Variants in ABLIM1 observed in about 807,000 individuals in gnomAD.
ABLIM1 encodes actin binding LIM protein 1.
A neutral mutation model predicts 107.0 loss-of-function variants in ABLIM1; 40 were observed. The ratio of observed to expected loss-of-function variants is 0.37; its 90% CI spans 0.29 to 0.49. The LOEUF (loss-of-function observed/expected upper bound fraction) is 0.49. Ranked by LOEUF, ABLIM1 falls within the 20% of genes least tolerant of loss-of-function variation. The pLI is 0.97. For missense variants in ABLIM1, 857 were observed against 1,008.5 expected, an observed-to-expected ratio of 0.85 and a Z score of 2.04; for synonymous variants, 357 against 357.3, an observed-to-expected ratio of 1.00 and a Z score of 0.01.
chr10:114,540,934 A>G (rs2066577764), intron 6 of ABLIM1, among the ~76,000 whole-genome samples: 1 of 152,194 alleles, frequency 6.6e-6, no homozygotes, highest in South Asian at 2.1e-4. Flanking sequence ...TTGGGAGAAG[A>G]GTCTTTGCAG....
chr10:114,777,331 A>G, the ABLIM1 span, among the ~76,000 whole-genome samples: 2 of 151,960 alleles, frequency 1.3e-5, no homozygotes, highest in Admixed American at 6.5e-5. Context: ...ATGTTTTTCC[A>G]TATTTTTTCT....
At chr10:114,471,307 A>C (rs912065892) in intron 10 of ABLIM1, among the ~76,000 whole-genome samples, 2 of 152,196 alleles carry the variant, frequency 1.3e-5, no homozygotes, top group African/African-American at 4.8e-5. Flanking sequence ...CGTACACTGC[A>C]CACCATGAAC....
chr10:114,451,595 A>G (rs1290422353), intron 14 of ABLIM1, 29 bp downstream of exon 14: 2 of 1,600,406 alleles, frequency 1.2e-6, no homozygotes, highest in East Asian at 4.5e-5. Context: ...TTGCTATTTA[A>G]AAGCTACGCG....
intron 1 of ABLIM1, among the ~76,000 whole-genome samples, chr10:114,645,636 A>C (rs942846697): frequency 6.6e-6 from 1 of 152,152 alleles, no homozygotes; most frequent in East Asian, 1.9e-4. Flanking sequence ...GACAGAATAT[A>C]TTTTTTTCTC....
At chr10:114,469,051 C>CA (rs71473043) in intron 10 of ABLIM1, among the ~76,000 whole-genome samples, 1,428 of 74,992 alleles carry the variant, frequency 0.019, 41 homozygotes, top group African/African-American at 0.049. Flanking sequence ...GACTCTGTCT[C>CA]AAAAAAAAAA....
At chr10:114,684,967 T>C (rs907127653) in exon 1 of ABLIM1, 3 of 156,682 alleles carry the variant, frequency 1.9e-5, no homozygotes, top group African/African-American at 7.2e-5. Context: ...TTATTCATTA[T>C]GGCTTTGGAA....
rs1232427043 is a variant in ABLIM1 at position 114,601,920 on chromosome 10, C to G, written c.286G>C (p.Val96Leu). 2 of 1,614,162 alleles carry G rather than the reference C, an allele frequency of 1.2e-6. No homozygotes were observed. Among genetic ancestry groups the G allele is most frequent in the Non-Finnish European group, 8.5e-7 (1 of 1,180,030 alleles). Residue 96 changes from valine (V) to leucine (L), a missense_variant, in exon 2 of 23, where the codon GTC (valine) becomes CTC (leucine). Physicochemically the swap from Val to Leu is conservative, Grantham distance 32. Coordinates refer to ENST00000533213, the MANE Select transcript of ABLIM1 (RefSeq NM_002313.7). ...QDPHHPSEKP[V>L]IHCHKCGEPC... is the part of the protein sequence containing the mutation. ...TCCCCACATTTATGGCAGTGAATGA[C>G]AGGCTTCTCTGATGGGTGGTGAGGG...
rs1348032372 is a variant in ABLIM1 at position 114,468,324 on chromosome 10, G to A, written c.1276-108C>T. On this transcript the variant is annotated intron_variant, in intron 10 of 22. Transcript: ENST00000533213. ...GAGTCTCGCTCTGTCGCCCAGGCTGGAGTGCAGTGGCGCAATCTCGGTTTA... is the reference window on the plus strand; with the variant it reads ...GAGTCTCGCTCTGTCGCCCAGGCTGAAGTGCAGTGGCGCAATCTCGGTTTA... 4 of 1,049,762 alleles carry A rather than the reference G, an allele frequency of 3.8e-6. No individual in the cohort carries two copies. The Admixed American group carries it at 7.1e-5, about 19-fold the overall frequency. 65.0% of individuals were successfully genotyped at this position (1,049,762 alleles called of 1,614,324 possible).
chr10:114,476,157 A>G (rs1202108341), intron 8 of ABLIM1, among the ~76,000 whole-genome samples: 3 of 152,204 alleles, frequency 2.0e-5, no homozygotes, highest in African/African-American at 4.8e-5. Context: ...CTAGGGTGGA[A>G]GTGGCTGGGA....
At chr10:114,583,444 CACACACACACACACACACACACACAT>C (rs1794815289) in intron 2 of ABLIM1, among the ~76,000 whole-genome samples, 1 of 34,480 alleles carries the variant, frequency 2.9e-5, no homozygotes, top group Admixed American at 4.1e-4. Context: ...CACACACACA[CACACACACACACACACACACACACAT>C]ATATATATAT....
chr10:114,712,834 A>G (rs1372163511), intron 1 of ABLIM1, among the ~76,000 whole-genome samples: 1 of 152,208 alleles, frequency 6.6e-6, no homozygotes, highest in African/African-American at 2.4e-5. Flanking sequence ...ATTGATTACA[A>G]ATAAAACCGT....
At chr10:114,649,432 TAAA>T (rs1336322578) in intron 1 of ABLIM1, among the ~76,000 whole-genome samples, 1 of 150,762 alleles carries the variant, frequency 6.6e-6, no homozygotes, top group Non-Finnish European at 1.5e-5. Context: ...AATAAATAAA[TAAA>T]TAAATAAATA....
At chr10:114,575,319 C>G in intron 3 of ABLIM1, 97 bp downstream of exon 3, 1 of 1,372,242 alleles carries the variant, frequency 7.3e-7, no homozygotes, top group Non-Finnish European at 1.0e-6. Flanking sequence ...GTATGTGCTA[C>G]TCAAGACAAA....
chr10:114,717,688 G>A lies in ABLIM1; in HGVS notation c.-213+50373C>T, dbSNP rs2081703613. On this transcript the variant is annotated intron_variant, in intron 1 of 15. Coordinates refer to the ABLIM1 transcript ENST00000651092. ...CCAGCACTTTGGGAGGCTGAAGCGG[G>A]TGGATCACGTGAGCCCAGGAGTTCA... Among the ~76,000 whole-genome samples the A allele has an allele frequency of 2.0e-5, 3 of 152,118 alleles. No homozygotes were observed. In the South Asian group the frequency reaches 6.2e-4, roughly 32 times the overall value.
intron 4 of ABLIM1, among the ~76,000 whole-genome samples, chr10:114,552,246 G>A (rs753356211): frequency 3.3e-5 from 5 of 152,208 alleles, no homozygotes; most frequent in South Asian, 2.1e-4. Context: ...CTCCTTCCAC[G>A]CTCACTCCAA....
At chr10:114,766,376 T>A (rs1336323113) in intron 1 of ABLIM1, among the ~76,000 whole-genome samples, 1 of 152,234 alleles carries the variant, frequency 6.6e-6, no homozygotes, top group African/African-American at 2.4e-5. Flanking sequence ...GAAATGTCTA[T>A]AGCTGACTCC....
At chr10:114,605,014 C>T (rs2076311616) in intron 1 of ABLIM1, among the ~76,000 whole-genome samples, 1 of 152,184 alleles carries the variant, frequency 6.6e-6, no homozygotes, top group Admixed American at 6.5e-5. Context: ...CACAAAGTCC[C>T]CCATGCCCAG....
chr10:114,701,488 A>G (rs1444588352), intron 1 of ABLIM1, among the ~76,000 whole-genome samples: 1 of 152,312 alleles, frequency 6.6e-6, no homozygotes, highest in South Asian at 2.1e-4. Flanking sequence ...AGCTTTATTC[A>G]TATTAGTAAA....
At chr10:114,780,877 G>A in the ABLIM1 span, among the ~76,000 whole-genome samples, 1 of 152,122 alleles carries the variant, frequency 6.6e-6, no homozygotes, top group Non-Finnish European at 1.5e-5. Context: ...TGGAGTTCAG[G>A]AAAATTTTGT....
Sources: gnomAD v4.1 joint callset for allele counts (sites outside exome capture counted in the v4.1 genomes callset) on GRCh38, gnomAD v4.1.1 for gene constraint, MANE v1.5 for transcripts, NCBI Gene and HGNC (gene_info 2026-07-23, HGNC 2026-07-21) for gene names.